ANAPC4: variants seen among roughly 807,000 people sequenced by gnomAD.
ANAPC4 encodes the protein anaphase-promoting complex subunit 4.
ANAPC4 carries 63 observed loss-of-function variants against 119.8 expected under a neutral mutation model. The observed-to-expected ratio is 0.53, with a 90% CI of 0.43 to 0.65. ANAPC4 has a LOEUF of 0.65. Among genes scored for constraint, ANAPC4 ranks in the 30% least tolerant of loss-of-function variants. The probability of loss-of-function intolerance (pLI) is 0.00; values close to 1 mark genes in which losing one functional copy is unlikely to be tolerated. For synonymous variants in ANAPC4, 283 were observed against 318.6 expected, an observed-to-expected ratio of 0.89 and a Z score of 1.19; for missense variants, 716 against 945.1, an observed-to-expected ratio of 0.76 and a Z score of 3.18.
At chr4:25,390,307 T>G (rs896841282) in intron 8 of ANAPC4, 87 bp downstream of exon 8, 1 of 921,644 alleles carries the variant, frequency 1.1e-6, no homozygotes, top group Non-Finnish European at 1.6e-6. Flanking sequence ...AACACTAGGT[T>G]TTTTTTCAGT....
rs1471332002 is a variant in ANAPC4 at position 25,377,531 on chromosome 4, T to C, written c.104T>C (p.Ile35Thr). The part of the protein sequence containing the change: ...FLVWSPKRDL[I>T]ALANTAGEVL... Reference sequence around the variant, plus strand: ...GTCTGGTCGCCCAAGCGGGATCTCATTGCTTTGGCCAACACAGCTGGCGAG... The same window carrying C: ...GTCTGGTCGCCCAAGCGGGATCTCACTGCTTTGGCCAACACAGCTGGCGAG... The change falls in exon 2 of 29, where the codon ATT becomes ACT. Residue 35 changes from isoleucine (I) to threonine (T), a missense_variant. Ile to Thr is a moderately conservative substitution (Grantham distance 89, BLOSUM62 -1). Around this residue, in one of 3 missense-constraint regions of ANAPC4, gnomAD observed 202 missense variants for 293.5 expected, o/e 0.69. Coordinates refer to ENST00000315368, the MANE Select transcript of ANAPC4 (RefSeq NM_013367.3). 1 of 1,613,242 alleles carries C rather than the reference T, an allele frequency of 6.2e-7. No individual in the cohort carries two copies. Among genetic ancestry groups the C allele is most frequent in the African/African-American group, 1.3e-5 (1 of 75,066 alleles).
chr4:25,378,428 A>C (rs1365192161), intron 2 of ANAPC4, among the ~76,000 whole-genome samples: 1 of 152,082 alleles, frequency 6.6e-6, no homozygotes, highest in Non-Finnish European at 1.5e-5. Context: ...TTGATGTCTA[A>C]TTTTTCAGGG....
At position 25,416,498 on chromosome 4, in the gene ANAPC4, C is replaced by T. The variant is rs779976609; in HGVS notation, c.1975C>T (p.Arg659Cys). 8.1e-6 allele frequency: 13 copies of T among 1,607,180 alleles called. No homozygotes were observed. Among genetic ancestry groups the T allele is most frequent in the South Asian group, 5.5e-5 (5 of 90,266 alleles). ...VTVVLKDTVG[R>C]EGRDRLLVQL... ...AGTAGTTCTTAAAGACACTGTAGGA[C>T]GTGAAGGAAGAGATAGACTCTTGGT... Residue 659 changes from arginine (R) to cysteine (C), a missense_variant, in exon 27 of 29, where the codon CGT becomes TGT. Transcript: ENST00000315368.
chr4:25,396,138 A>G (rs1357914365), intron 14 of ANAPC4, among the ~76,000 whole-genome samples: 2 of 152,152 alleles, frequency 1.3e-5, no homozygotes, highest in Non-Finnish European at 2.9e-5. Flanking sequence ...TCTGAATCCC[A>G]GATTAGCTCA....
At chr4:25,395,183 G>T in intron 14 of ANAPC4, 1 of 263,956 alleles carries the variant, frequency 3.8e-6, no homozygotes, top group Non-Finnish European at 7.1e-6. Context: ...TTGAAATAAG[G>T]CATATATCTT....
At chr4:25,402,856 C>G in intron 16 of ANAPC4, 115 bp from the exon 17 acceptor site, 1 of 489,054 alleles carries the variant, frequency 2.0e-6, no homozygotes, top group Non-Finnish European at 3.5e-6. Flanking sequence ...TAAATGTCAC[C>G]CAGATAGGAT....
At chr4:25,406,698 A>T in intron 18 of ANAPC4, 131 bp from the exon 19 acceptor site, 1 of 682,552 alleles carries the variant, frequency 1.5e-6, no homozygotes. Context: ...TATTTCTTTG[A>T]AAGAACTTTG....
rs1020974687 is a variant in ANAPC4, at chr4:25,380,404, C to T, written c.160C>T (p.Arg54Ter). 3.7e-6 allele frequency: 6 copies of T among 1,612,724 alleles called. No individual in the cohort carries two copies. Among genetic ancestry groups the T allele is most frequent in the Non-Finnish European group, 5.1e-6 (6 of 1,179,248 alleles). ...VLLHRLASFH[R>*]VWSFPPNENT... Reference sequence around the variant, plus strand: ...ACTTCATCGACTGGCAAGTTTTCATCGAGTTTGGAGTTTTCCACCAAATGA... The same window carrying T: ...ACTTCATCGACTGGCAAGTTTTCATTGAGTTTGGAGTTTTCCACCAAATGA... The change falls in exon 3 of 29, where the codon CGA (arginine) becomes TGA (stop). Residue 54 changes from arginine (R) to a stop codon, truncating the protein, a stop_gained. Transcript: ENST00000315368. LOFTEE classifies it high-confidence loss of function.
rs767149864 is a variant in ANAPC4, at chr4:25,406,819, T to C, written c.1318-10T>C. The C allele has an allele frequency of 3.8e-6, 6 of 1,593,326 alleles. No individual in the cohort carries two copies. The highest frequency in any genetic ancestry group is 2.6e-6 in the Non-Finnish European group (3 of 1,169,512). On this transcript the variant is annotated splice_polypyrimidine_tract_variant and intron_variant, in intron 18 of 28. Transcript: ENST00000315368. Reference sequence around the variant, plus strand: ...ATCTTGATTTTTCTTTTTGTTCCTTTTGTTGATAGATGACTCAGAAAGATA... The same window carrying C: ...ATCTTGATTTTTCTTTTTGTTCCTTCTGTTGATAGATGACTCAGAAAGATA...
At chr4:25,378,474 C>G (rs559921946) in intron 2 of ANAPC4, among the ~76,000 whole-genome samples, 8 of 152,306 alleles carry the variant, frequency 5.3e-5, no homozygotes, top group African/African-American at 1.9e-4. Context: ...CCTCCGCTGC[C>G]GGGATGCTTT....
At chr4:25,387,879 A>G (rs6814162) in intron 4 of ANAPC4, among the ~76,000 whole-genome samples, 65,783 of 152,014 alleles carry the variant, frequency 0.43, 15,826 homozygotes, top group Non-Finnish European at 0.53. Flanking sequence ...GTTCATGCCT[A>G]TAATCCTAGC....
At chr4:25,398,015 C>T (rs1722752781) in intron 16 of ANAPC4, among the ~76,000 whole-genome samples, 1 of 152,064 alleles carries the variant, frequency 6.6e-6, no homozygotes. Context: ...ATCCTCTTGC[C>T]TCAGCCTCCT....
At chr4:25,393,758 T>C (rs1233808739) in intron 10 of ANAPC4, 47 bp from the exon 11 acceptor site, 1 of 1,199,124 alleles carries the variant, frequency 8.3e-7, no homozygotes, top group Admixed American at 2.1e-5. Context: ...GATAGCAAGT[T>C]GGTTTAAATA....
intron 20 of ANAPC4, among the ~76,000 whole-genome samples, chr4:25,408,822 C>A (rs1456327230): frequency 6.6e-6 from 1 of 152,106 alleles, no homozygotes; most frequent in African/African-American, 2.4e-5. Flanking sequence ...AACATAAGTG[C>A]TTTTCCTCAA....
At position 25,407,216 on chromosome 4, in the gene ANAPC4, G is replaced by A. The variant is rs34811474; in HGVS notation, c.1394G>A (p.Arg465Gln). 314,924 of 1,604,402 alleles carry A rather than the reference G, an allele frequency of 0.2. 34,682 individuals are homozygous for A. The highest frequency in any genetic ancestry group is 0.23 in the Non-Finnish European group (266,519 of 1,175,214). ...TTCCAGGCTCCAGACCTTTATAATC[G>A]AAAAGGAAAATACTTTAACGTTGAA... ...HFNEAPDLYN[R>Q]KGKYFNVERV... is the part of the protein sequence containing the mutation. Residue 465 changes from arginine to glutamine, a missense_variant, in exon 20 of 29, where the codon CGA (arginine) becomes CAA (glutamine). Around this residue, in one of 3 missense-constraint regions of ANAPC4, gnomAD observed 504 missense variants for 615.8 expected, o/e 0.82. Transcript: ENST00000315368.
At chr4:25,381,380 G>A (rs1333812376) in intron 3 of ANAPC4, among the ~76,000 whole-genome samples, 1 of 152,048 alleles carries the variant, frequency 6.6e-6, no homozygotes, top group East Asian at 1.9e-4. Flanking sequence ...TGCAACCTTG[G>A]GCTCACTGAA....
intron 22 of ANAPC4, 68 bp downstream of exon 22, chr4:25,413,810 G>A (rs1404302000): frequency 4.2e-6 from 5 of 1,189,366 alleles, no homozygotes; most frequent in African/African-American, 1.6e-5. Context: ...GCTCACTTAT[G>A]TAAATGATCT....
intron 16 of ANAPC4, among the ~76,000 whole-genome samples, chr4:25,401,487 T>C (rs1035565798): frequency 6.6e-6 from 1 of 152,228 alleles, no homozygotes; most frequent in African/African-American, 2.4e-5. Context: ...CTCTGTGTTA[T>C]ATTTTCAGTT....
rs887324956 is a variant in ANAPC4, at chr4:25,388,432, G to A, written c.369-68G>A. 77 of 1,056,240 alleles carry A rather than the reference G, an allele frequency of 7.3e-5. 1 individual carries two copies. In the South Asian group the frequency reaches 1.0e-3, roughly 14 times the overall value. The allele number at this position is 1,056,240 out of a possible 1,614,324, so 65.4% of individuals were successfully genotyped here. On this transcript the variant is annotated intron_variant, in intron 4 of 28. Transcript: ENST00000315368. ...AACTGGGTATCTTTTTTAAAAATTA[G>A]CATTTTTAATGGCAAGAGAAGTAAA...
Sources: allele counts gnomAD v4.1 joint callset (sites outside exome capture counted in the v4.1 genomes callset), GRCh38; gene constraint gnomAD v4.1.1; regional missense constraint gnomAD v4.1.1; transcripts MANE v1.5; gene names NCBI Gene and HGNC (gene_info 2026-07-23, HGNC 2026-07-21).